The following KDM6A variants were observed in gnomAD, a reference collection of about 807,000 sequenced individuals.
The protein encoded by KDM6A is lysine-specific demethylase 6A.
A neutral mutation model predicts 117.6 loss-of-function variants in KDM6A; 11 were observed. That is an observed-to-expected ratio of 0.09 (90% CI 0.06 to 0.15). The LOEUF (loss-of-function observed/expected upper bound fraction) is 0.15. KDM6A is among the 10% of genes least tolerant of loss of function. KDM6A has a pLI of 1.00. For missense variants in KDM6A, 799 were observed against 1,077.3 expected (o/e 0.74, Z 3.62); for synonymous variants, 384 against 396.1 (o/e 0.97, Z 0.36).
intron 17 of KDM6A, 37 bp downstream of exon 17, chrX:45,063,854 A>G (rs1292361420): frequency 1.4e-5 from 16 of 1,128,883 alleles, no homozygotes; most frequent in Non-Finnish European, 1.9e-5. Context: ...GGCTTTTCAC[A>G]TAAATGTTTT....
chrX:44,898,550 T>C (rs1276501288), intron 2 of KDM6A, among the ~76,000 whole-genome samples: 1 of 111,012 alleles, frequency 9.0e-6, no homozygotes, highest in Non-Finnish European at 1.9e-5. Context: ...AGTGGAGTGG[T>C]GGTGAAAGGT....
intron 4 of KDM6A, among the ~76,000 whole-genome samples, chrX:45,007,887 C>T (rs953768389): frequency 1.8e-5 from 2 of 112,068 alleles, no homozygotes; most frequent in Non-Finnish European, 3.8e-5. Flanking sequence ...AAATGAAGCC[C>T]TCTACCACCA....
intron 6 of KDM6A, among the ~76,000 whole-genome samples, chrX:45,032,461 G>C (rs760060503): frequency 2.9e-4 from 32 of 112,175 alleles, no homozygotes; most frequent in African/African-American, 1.0e-3. Context: ...GTGGAACGGT[G>C]TTGTTAGTTT....
At chrX:44,907,733 C>T (rs1211824748) in intron 2 of KDM6A, among the ~76,000 whole-genome samples, 1 of 102,777 alleles carries the variant, frequency 9.7e-6, no homozygotes, top group Non-Finnish European at 2.0e-5. Context: ...CAGGTGTGAG[C>T]CACTGCTTCT....
intron 9 of KDM6A, 76 bp downstream of exon 9, chrX:45,051,878 G>A (rs1207763162): frequency 5.3e-6 from 3 of 569,900 alleles, no homozygotes; most frequent in Non-Finnish European, 5.9e-6. Context: ...TGGCAAATAT[G>A]TGGCTCATAT....
At position 45,076,805 on chromosome X, in the gene KDM6A, T is replaced by C. The variant is rs1386605192; in HGVS notation, c.2967T>C (p.Asn989=). 1 of 1,202,158 alleles carries C rather than the reference T, an allele frequency of 8.3e-7. No homozygotes were observed. Among genetic ancestry groups the C allele is most frequent in the Non-Finnish European group, 1.1e-6 (1 of 888,016 alleles). Residue 989 remains asparagine, a synonymous_variant, in exon 19 of 30, where the codon AAT becomes AAC. Transcript: ENST00000611820. ...PYPPLPKDKL[N]PPTPSIYLEN... is the part of the protein sequence containing the mutation. Reference sequence around the variant, plus strand: ...CTCCCTTGCCAAAGGACAAGTTGAATCCACCTACACCTAGTATTTACGTGA... The same window carrying C: ...CTCCCTTGCCAAAGGACAAGTTGAACCCACCTACACCTAGTATTTACGTGA...
intron 17 of KDM6A, among the ~76,000 whole-genome samples, chrX:45,065,360 A>G (rs998292699): frequency 8.9e-6 from 1 of 111,949 alleles, no homozygotes; most frequent in Non-Finnish European, 1.9e-5. Context: ...AATCATGATC[A>G]GCCTTATAAG....
In KDM6A at chrX:44,873,272, T is replaced by G; in HGVS notation, c.-280T>G. On this transcript the variant is annotated 5_prime_UTR_variant, in exon 1 of 30. Transcript: ENST00000611820. ...CCCCAGCCCCGCGCGCTCCGGCCGT[T>G]CCCGCCGTCCCCGCCTGTGGCTGCC... 1 of 341,279 alleles carries G rather than the reference T, an allele frequency of 2.9e-6. No individual in the cohort carries two copies. The highest frequency in any genetic ancestry group is 5.0e-6 in the Non-Finnish European group (1 of 199,163). 28.1% of individuals were successfully genotyped at this position (341,279 alleles called of 1,213,427 possible). A position where few individuals can be genotyped will look rare whatever the true frequency, so the allele number is the denominator to read the frequency against.
intron 14 of KDM6A, 150 bp from the exon 15 acceptor site, chrX:45,061,174 A>C: frequency 2.7e-6 from 1 of 375,805 alleles, no homozygotes; most frequent in Non-Finnish European, 4.7e-6. Flanking sequence ...TATGCATGTA[A>C]AATTATTTTT....
intron 2 of KDM6A, among the ~76,000 whole-genome samples, chrX:44,878,324 A>G (rs1465180327): frequency 8.9e-6 from 1 of 111,940 alleles, no homozygotes; most frequent in African/African-American, 3.2e-5. Flanking sequence ...AGTGCTAAAG[A>G]TGGCTAGTGT....
At chrX:44,919,265 A>G (rs2035749954) in intron 2 of KDM6A, among the ~76,000 whole-genome samples, 1 of 111,508 alleles carries the variant, frequency 9.0e-6, no homozygotes, top group Admixed American at 9.6e-5. Context: ...AGGATACTAC[A>G]TTACATTGAG....
At chrX:44,969,411 C>CTTTTTTTT (rs11288771) in intron 3 of KDM6A, among the ~76,000 whole-genome samples, 45 of 35,968 alleles carry the variant, frequency 1.3e-3, no homozygotes, top group Admixed American at 2.1e-3. Context: ...CTCTTTTTAT[C>CTTTTTTTT]TTTTTTTTTT....
At position 45,070,327 on chromosome X, in the gene KDM6A, C is replaced by G. The variant is rs2148057695; in HGVS notation, c.2828C>G (p.Pro943Arg). Residue 943 changes from proline (P) to arginine (R), a missense_variant, in exon 18 of 30, where the codon CCC becomes CGC. By Grantham distance (103) the Pro-to-Arg change is moderately radical. Coordinates refer to ENST00000611820, the MANE Select transcript of KDM6A (RefSeq NM_001291415.2). ...CCATCAATGTCTGTGTCCATATACCCCAGCTCAGCAGAAGTTCTGAAGGCA... is the reference window on the plus strand; with the variant it reads ...CCATCAATGTCTGTGTCCATATACCGCAGCTCAGCAGAAGTTCTGAAGGCA... ...IIPSMSVSIYPSSAEVLKACR... is the reference protein window; with the variant it reads ...IIPSMSVSIYRSSAEVLKACR... The G allele has an allele frequency of 4.1e-6, 5 of 1,211,073 alleles. No homozygotes were observed. Among genetic ancestry groups the G allele is most frequent in the Non-Finnish European group, 5.6e-6 (5 of 894,966 alleles).
chrX:44,961,396 A>AT lies in KDM6A; in HGVS notation c.334+11dup. 3 of 1,080,071 alleles carry AT rather than the reference A, an allele frequency of 2.8e-6. No homozygotes were observed. Among genetic ancestry groups the AT allele is most frequent in the Non-Finnish European group, 3.9e-6 (3 of 777,831 alleles). 89.0% of individuals were successfully genotyped at this position (1,080,071 alleles called of 1,213,427 possible). ...TTATTGGAAGATTATCCAAAAGGTAATTTTTTTCTTGTTCATTATTGTTTG... is the reference window on the plus strand; with the variant it reads ...TTATTGGAAGATTATCCAAAAGGTAATTTTTTTTCTTGTTCATTATTGTTTG... On this transcript the variant is annotated splice_donor_region_variant and intron_variant, in intron 3 of 29. Transcript: ENST00000611820.
chrX:44,892,785 C>G (rs1027210775), intron 2 of KDM6A, among the ~76,000 whole-genome samples: 2 of 109,724 alleles, frequency 1.8e-5, no homozygotes, highest in Non-Finnish European at 3.8e-5. Flanking sequence ...GGTGGATCAG[C>G]TGAGGTCAGG....
Position 45,061,483 on chromosome X carries a change from ATTTTTTTT to A in KDM6A, c.1581+83_1581+90del, listed in dbSNP as rs1161774144. On this transcript the variant is annotated intron_variant, in intron 15 of 29. Coordinates refer to ENST00000611820, the MANE Select transcript of KDM6A (RefSeq NM_001291415.2). Reference sequence around the variant, plus strand: ...GAGTAGAGGTAGCAAACAAGTATTAATTTTTTTTTTTTTTTTTTTTTTTTTTGAGATAG... The same window carrying A: ...GAGTAGAGGTAGCAAACAAGTATTAATTTTTTTTTTTTTTTTTTGAGATAG... The A allele has an allele frequency of 2.0e-3, 465 of 234,605 alleles. 2 individuals carry two copies. In the African/African-American group the frequency reaches 0.022, roughly 11 times the overall value. The allele number at this position is 234,605 out of a possible 1,213,427, so 19.3% of individuals were successfully genotyped here. A position where few individuals can be genotyped will look rare whatever the true frequency, so the allele number is the denominator to read the frequency against.
chrX:44,916,753 C>T (rs1319689397), intron 2 of KDM6A, among the ~76,000 whole-genome samples: 1 of 110,155 alleles, frequency 9.1e-6, no homozygotes, highest in African/African-American at 3.3e-5. Context: ...TCAAGCAATC[C>T]TCCCACCTCA....
chrX:45,022,724 A>G (rs1238113547), intron 6 of KDM6A, among the ~76,000 whole-genome samples: 2 of 111,852 alleles, frequency 1.8e-5, no homozygotes, highest in Non-Finnish European at 3.8e-5. Context: ...CTTTTCCACA[A>G]CATTAAGCTG....
chrX:44,877,620 T>TAGTA (rs1159872309), intron 2 of KDM6A, among the ~76,000 whole-genome samples: 2 of 109,416 alleles, frequency 1.8e-5, no homozygotes, highest in African/African-American at 6.6e-5. Context: ...AGTTTAAATA[T>TAGTA]AGTAGTACTA....
Sources: allele counts gnomAD v4.1 joint callset (sites outside exome capture counted in the v4.1 genomes callset), GRCh38; gene constraint gnomAD v4.1.1; transcripts MANE v1.5; gene names NCBI Gene and HGNC (gene_info 2026-07-23, HGNC 2026-07-21).